Variants in CNTNAP5 observed in about 807,000 individuals in gnomAD.
CNTNAP5 encodes contactin associated protein family member 5, also known as contactin-associated protein-like 5.
Under a neutral mutation model 150.2 loss-of-function variants are expected in CNTNAP5, and 72 were observed. The observed-to-expected ratio is 0.48, with a 90% CI of 0.40 to 0.58. CNTNAP5 has a LOEUF of 0.58. Ranked by LOEUF, CNTNAP5 falls within the 20% of genes least tolerant of loss-of-function variation. The pLI is 0.00. For synonymous variants in CNTNAP5, 672 were observed against 619.8 expected (o/e 1.08, Z -1.25); for missense variants, 1,636 against 1,626.2 (o/e 1.01, Z -0.10).
chr2:124,315,948 G>C (rs1412026565), intron 3 of CNTNAP5, among the ~76,000 whole-genome samples: 1 of 152,138 alleles, frequency 6.6e-6, no homozygotes, highest in African/African-American at 2.4e-5. Flanking sequence ...CCTACCTGCT[G>C]ATGTAAGTCC....
intron 21 of CNTNAP5, among the ~76,000 whole-genome samples, chr2:124,892,585 G>A (rs1379195542): frequency 2.0e-5 from 3 of 152,136 alleles, no homozygotes; most frequent in Non-Finnish European, 2.9e-5. Context: ...TTTAAACTGA[G>A]CTGGGCGGGA....
rs1678720000 is a variant in CNTNAP5 at position 124,914,394 on chromosome 2, C to T, written c.*106C>T. 4 of 837,904 alleles carry T rather than the reference C, an allele frequency of 4.8e-6. No individual in the cohort carries two copies. Among genetic ancestry groups the T allele is most frequent in the Middle Eastern group, 3.3e-4 (1 of 3,070 alleles). The allele number at this position is 837,904 out of a possible 1,614,324, so 51.9% of individuals were successfully genotyped here. ...GTCATTCTCTTTATTTTCTGCTTGC[C>T]ATGTCTTTTCTGGAACATACTTGCA... On this transcript the variant is annotated 3_prime_UTR_variant, in exon 24 of 24. Transcript: ENST00000682447.
chr2:124,421,479 T>C (rs1377864762), intron 4 of CNTNAP5, among the ~76,000 whole-genome samples: 2 of 152,164 alleles, frequency 1.3e-5, no homozygotes, highest in African/African-American at 4.8e-5. Context: ...AGTAACTCTA[T>C]CAGTTGCTTC....
At chr2:124,253,782 C>A (rs1233112443) in intron 3 of CNTNAP5, among the ~76,000 whole-genome samples, 1 of 151,702 alleles carries the variant, frequency 6.6e-6, no homozygotes, top group East Asian at 1.9e-4. Flanking sequence ...TTACAAGTAC[C>A]TTTGTTTATT....
chr2:124,105,514 T>C (rs1683154400), intron 1 of CNTNAP5, among the ~76,000 whole-genome samples: 1 of 152,216 alleles, frequency 6.6e-6, no homozygotes, highest in Non-Finnish European at 1.5e-5. Context: ...CTTATTAATT[T>C]TTCTGACCTA....
chr2:124,657,959 A>T (rs1678494459), intron 13 of CNTNAP5, among the ~76,000 whole-genome samples: 1 of 152,138 alleles, frequency 6.6e-6, no homozygotes, highest in Non-Finnish European at 1.5e-5. Flanking sequence ...CTTCTTGCTT[A>T]TTTGTTCACT....
intron 16 of CNTNAP5, among the ~76,000 whole-genome samples, chr2:124,770,425 G>A (rs1681165307): frequency 6.6e-6 from 1 of 152,176 alleles, no homozygotes; most frequent in South Asian, 2.1e-4. Flanking sequence ...CCCCAAACAT[G>A]TGTTGTCTCA....
intron 3 of CNTNAP5, among the ~76,000 whole-genome samples, chr2:124,386,538 C>A (rs1446425290): frequency 6.6e-6 from 1 of 152,236 alleles, no homozygotes; most frequent in African/African-American, 2.4e-5. Flanking sequence ...TGAGCTAAAT[C>A]TTTCTTACAA....
chr2:124,059,315 T>G (rs17010787), intron 1 of CNTNAP5, among the ~76,000 whole-genome samples: 5,845 of 152,320 alleles, frequency 0.038, 385 homozygotes, highest in African/African-American at 0.13. Context: ...TTGGCAAAGA[T>G]ATCACATTTC....
In CNTNAP5 at chr2:124,798,127, G is replaced by A. The variant is rs768406833; in HGVS notation, c.3024G>A (p.Ser1008=). The change falls in exon 19 of 24, where the codon TCG becomes TCA. Residue 1008 remains serine (S), a synonymous_variant. Coordinates refer to ENST00000682447, the MANE Select transcript of CNTNAP5 (RefSeq NM_001367498.1). ...CTGCTGTTTTTGAGGCTGGCACGTC[G>A]GTTACTTACATGTTTCAAGAACCCT... ...EVSAVFEAGT[S]VTYMFQEPYP... 6.2e-6 allele frequency: 10 copies of A among 1,612,666 alleles called. No homozygotes were observed. Among genetic ancestry groups the A allele is most frequent in the South Asian group, 5.5e-5 (5 of 90,904 alleles).
intron 13 of CNTNAP5, among the ~76,000 whole-genome samples, chr2:124,706,065 G>A (rs1679630417): frequency 6.6e-6 from 1 of 152,158 alleles, no homozygotes; most frequent in African/African-American, 2.4e-5. Flanking sequence ...AGAAACTAAT[G>A]AATCTATGCA....
chr2:124,424,069 G>T (rs892220398), intron 4 of CNTNAP5, among the ~76,000 whole-genome samples: 8 of 152,130 alleles, frequency 5.3e-5, no homozygotes, highest in Non-Finnish European at 1.0e-4. Flanking sequence ...ACTTCAGGTC[G>T]CCTCTGTTCC....
intron 10 of CNTNAP5, 70 bp from the exon 11 acceptor site, chr2:124,563,147 C>T: frequency 9.7e-6 from 9 of 930,000 alleles, no homozygotes; most frequent in Non-Finnish European, 1.4e-5. Flanking sequence ...GGATATGAGA[C>T]ATTTTTGCTT....
chr2:124,281,732 G>T lies in CNTNAP5; in HGVS notation c.381+39339G>T, dbSNP rs1021660842. Among the ~76,000 whole-genome samples the T allele has an allele frequency of 2.0e-4, 30 of 152,192 alleles. 1 individual carries two copies. Among genetic ancestry groups the T allele is most frequent in the Middle Eastern group, 6.8e-3 (2 of 294 alleles). On this transcript the variant is annotated intron_variant, in intron 3 of 23. Coordinates refer to ENST00000682447, the MANE Select transcript of CNTNAP5 (RefSeq NM_001367498.1). ...GCTTTTGCTTGCTTTTTTCTGCAGT[G>T]GTTTCACAAGCGGGCTTCAGGGTTG...
At chr2:124,324,475 T>C (rs947775776) in intron 3 of CNTNAP5, among the ~76,000 whole-genome samples, 1 of 152,136 alleles carries the variant, frequency 6.6e-6, no homozygotes, top group Admixed American at 6.6e-5. Context: ...AGATTTGCGG[T>C]AAATGGAATA....
intron 1 of CNTNAP5, among the ~76,000 whole-genome samples, chr2:124,027,590 C>T (rs1487046298): frequency 6.6e-6 from 1 of 152,152 alleles, no homozygotes; most frequent in Non-Finnish European, 1.5e-5. Flanking sequence ...TTTAAAAATG[C>T]TCATAAAACC....
chr2:124,248,654 T>C (rs1376749526), intron 3 of CNTNAP5, among the ~76,000 whole-genome samples: 1 of 152,186 alleles, frequency 6.6e-6, no homozygotes, highest in Non-Finnish European at 1.5e-5. Context: ...ACACTAGAAT[T>C]TGCTGAAATG....
At chr2:124,190,580 C>T (rs2579816) in intron 1 of CNTNAP5, among the ~76,000 whole-genome samples, 21,189 of 151,956 alleles carry the variant, frequency 0.14, 2,136 homozygotes, top group East Asian at 0.38. Flanking sequence ...AAAAGAAAAC[C>T]GAAAGCTCAA....
At chr2:124,553,312 T>A (rs761784617) in intron 10 of CNTNAP5, among the ~76,000 whole-genome samples, 26 of 152,130 alleles carry the variant, frequency 1.7e-4, no homozygotes, top group Non-Finnish European at 2.9e-4. Context: ...AAGACCAGCC[T>A]GGCCAACATG....
Sources: allele counts gnomAD v4.1 joint callset (sites outside exome capture counted in the v4.1 genomes callset), GRCh38; gene constraint gnomAD v4.1.1; transcripts MANE v1.5; gene names NCBI Gene and HGNC (gene_info 2026-07-23, HGNC 2026-07-21).